GPC6: variants seen among roughly 807,000 people sequenced by gnomAD.
GPC6 encodes the protein glypican-6.
GPC6 carries 14 observed loss-of-function variants against 55.2 expected under a neutral mutation model. The ratio of observed to expected loss-of-function variants is 0.25; its 90% CI spans 0.17 to 0.40. GPC6 has a LOEUF of 0.40. Among genes scored for constraint, GPC6 ranks in the 10% least tolerant of loss-of-function variants. The pLI, the probability that GPC6 is intolerant of heterozygous loss-of-function variation, is 1.00. For synonymous variants in GPC6, 278 were observed against 259.6 expected (o/e 1.07, Z -0.68); for missense variants, 641 against 708.5 (o/e 0.90, Z 1.08).
intron 4 of GPC6, among the ~76,000 whole-genome samples, chr13:94,062,752 G>A (rs1168675367): frequency 2.6e-5 from 4 of 152,144 alleles, no homozygotes; most frequent in Non-Finnish European, 5.9e-5. Flanking sequence ...TAAAATTGAG[G>A]AAGTTTGCAT....
intron 1 of GPC6, among the ~76,000 whole-genome samples, chr13:93,288,417 AATTAAC>A (rs1250517214): frequency 6.6e-6 from 1 of 152,206 alleles, no homozygotes; most frequent in Non-Finnish European, 1.5e-5. Context: ...AAAGAGATTT[AATTAAC>A]ATTAACATCT....
At chr13:93,794,730 T>C (rs1420518757) in intron 2 of GPC6, among the ~76,000 whole-genome samples, 2 of 152,140 alleles carry the variant, frequency 1.3e-5, no homozygotes. Context: ...TCACTTATAG[T>C]AGAAAGCTCA....
At chr13:93,284,925 G>T (rs1364647363) in intron 1 of GPC6, among the ~76,000 whole-genome samples, 1 of 152,146 alleles carries the variant, frequency 6.6e-6, no homozygotes, top group Non-Finnish European at 1.5e-5. Context: ...AGGCCTTCTT[G>T]GCAAAGTAAT....
intron 4 of GPC6, among the ~76,000 whole-genome samples, chr13:94,123,208 T>C (rs1011531618): frequency 2.6e-5 from 4 of 152,010 alleles, no homozygotes; most frequent in African/African-American, 9.7e-5. Context: ...TACAGAAATA[T>C]GCTTTAAAAA....
intron 3 of GPC6, among the ~76,000 whole-genome samples, chr13:93,926,171 G>T (rs1877846573): frequency 6.6e-6 from 1 of 152,116 alleles, no homozygotes; most frequent in Admixed American, 6.5e-5. Flanking sequence ...TGGTCACACA[G>T]ATGAGCCCAG....
chr13:93,890,581 AT>A (rs767838893), intron 3 of GPC6, among the ~76,000 whole-genome samples: 3 of 151,996 alleles, frequency 2.0e-5, no homozygotes, highest in Non-Finnish European at 4.4e-5. Flanking sequence ...GGGTTAGGAC[AT>A]TTTACTTTGC....
intron 6 of GPC6, among the ~76,000 whole-genome samples, chr13:94,364,152 C>T (rs1254638877): frequency 1.3e-5 from 2 of 152,092 alleles, no homozygotes; most frequent in African/African-American, 4.8e-5. Context: ...AACAGGATGG[C>T]CATTTTGCTA....
intron 2 of GPC6, among the ~76,000 whole-genome samples, chr13:93,613,532 C>A (rs200247807): frequency 9.2e-3 from 539 of 58,744 alleles, no homozygotes; most frequent in South Asian, 0.012. Flanking sequence ...ACACACAAAA[C>A]ACACACACAC....
chr13:94,193,062 CGTGTGTGTGTGTGT>C (rs66612458), intron 4 of GPC6, among the ~76,000 whole-genome samples: 73 of 148,710 alleles, frequency 4.9e-4, no homozygotes, highest in South Asian at 1.7e-3. Context: ...TGAGACTCCT[CGTGTGTGTGTGTGT>C]GTGTGTGTGT....
chr13:93,884,707 A>T (rs577259885), intron 3 of GPC6, among the ~76,000 whole-genome samples: 29 of 152,226 alleles, frequency 1.9e-4, no homozygotes, highest in African/African-American at 6.3e-4. Flanking sequence ...GAAGATATTT[A>T]TTTTAAACGT....
chr13:93,298,165 G>A (rs1878557863), intron 1 of GPC6, among the ~76,000 whole-genome samples: 2 of 152,166 alleles, frequency 1.3e-5, no homozygotes, highest in African/African-American at 4.8e-5. Flanking sequence ...CCTATGCATA[G>A]AATGATCTCA....
chr13:93,912,613 G>A (rs184834940), intron 3 of GPC6, among the ~76,000 whole-genome samples: 16 of 152,056 alleles, frequency 1.1e-4, no homozygotes, highest in East Asian at 3.9e-4. Context: ...TGTGGTGGCG[G>A]GCGCCTGTAG....
chr13:93,607,780 C>T (rs1272453925), intron 2 of GPC6, among the ~76,000 whole-genome samples: 3 of 152,142 alleles, frequency 2.0e-5, no homozygotes, highest in Non-Finnish European at 4.4e-5. Context: ...TTCTAAACCT[C>T]ATTTCCTTTA....
chr13:94,351,828 T>C (rs1277340877), intron 6 of GPC6, among the ~76,000 whole-genome samples: 1 of 151,768 alleles, frequency 6.6e-6, no homozygotes, highest in Non-Finnish European at 1.5e-5. Context: ...CCTTATGGGT[T>C]TGAGTCAGCA....
chr13:93,287,001 T>C (rs981610828), intron 1 of GPC6, among the ~76,000 whole-genome samples: 1 of 152,198 alleles, frequency 6.6e-6, no homozygotes, highest in Non-Finnish European at 1.5e-5. Flanking sequence ...CGTTGTTTCA[T>C]GCACAAATTA....
At chr13:93,841,417 A>T (rs1366671071) in intron 3 of GPC6, among the ~76,000 whole-genome samples, 2 of 152,180 alleles carry the variant, frequency 1.3e-5, no homozygotes, top group African/African-American at 2.4e-5. Context: ...AGCAAGGGTT[A>T]TTCCTTTGCA....
intron 1 of GPC6, among the ~76,000 whole-genome samples, chr13:93,504,144 A>T (rs985949160): frequency 1.4e-4 from 22 of 152,156 alleles, no homozygotes; most frequent in African/African-American, 4.6e-4. Context: ...TGATCAATTC[A>T]ACTGAAAAAC....
Position 93,933,177 on chromosome 13 carries a change from A to G in GPC6, c.712-94552A>G, listed in dbSNP as rs763959568. On this transcript the variant is annotated intron_variant, in intron 3 of 8. Coordinates refer to ENST00000377047, the MANE Select transcript of GPC6 (RefSeq NM_005708.5). ...TACAGGGAGGCAGTTAATATAGAGC[A>G]GTGGTTCTCAGCCAGAAGTGATTTT... Among the ~76,000 whole-genome samples the G allele has an allele frequency of 3.3e-5, 5 of 151,852 alleles. No individual in the cohort carries two copies. The East Asian group carries it at 9.6e-4, about 29-fold the overall frequency.
rs924941108 is a variant in GPC6 at position 93,495,718 on chromosome 13, C to G, written c.161-49545C>G. ...TGGGTTTTCGGTGTGGATGTCCTTT[C>G]TGTTTGTTAGTATTCCTTCTAACAG... On this transcript the variant is annotated intron_variant, in intron 1 of 8. Coordinates refer to ENST00000377047, the MANE Select transcript of GPC6 (RefSeq NM_005708.5). 1.8e-4 allele frequency among the ~76,000 whole-genome samples: 23 copies of G among 127,534 alleles called. 2 individuals are homozygous for G. The highest frequency in any genetic ancestry group is 6.8e-4 in the African/African-American group (23 of 33,996). 83.7% of individuals were successfully genotyped at this position (127,534 alleles called of 152,430 possible).
Sources: allele counts gnomAD v4.1 joint callset (sites outside exome capture counted in the v4.1 genomes callset), GRCh38; gene constraint gnomAD v4.1.1; transcripts MANE v1.5; gene names NCBI Gene and HGNC (gene_info 2026-07-23, HGNC 2026-07-21).